Variants in MAPK6 observed in about 807,000 individuals in gnomAD.
MAPK6 encodes the protein ERK-3.
A neutral mutation model predicts 59.3 loss-of-function variants in MAPK6; 19 were observed. The observed-to-expected ratio is 0.32, with a 90% confidence interval of 0.22 to 0.47. The LOEUF (loss-of-function observed/expected upper bound fraction) is 0.47. Among genes scored for constraint, MAPK6 ranks in the 20% least tolerant of loss-of-function variants. The pLI is 1.00. For missense variants in MAPK6, 724 were observed against 847.9 expected, an observed-to-expected ratio of 0.85 and a Z score of 1.81; for synonymous variants, 316 against 290.3, an observed-to-expected ratio of 1.09 and a Z score of -0.90.
intron 2 of MAPK6, among the ~76,000 whole-genome samples, chr15:51,992,900 C>T (rs374965409): frequency 9.9e-5 from 15 of 152,160 alleles, no homozygotes; most frequent in African/African-American, 3.1e-4. Context: ...CCTCCAGGAA[C>T]CTCCACGTGT....
rs978892616 is a variant in MAPK6 at position 52,019,230 on chromosome 15, T to A, written c.-778T>A. ...AAGCCCCGCCCCCTCTTCCTCGCCCTCTCTCGCGGGTCGGGGTTACATGGC... is the reference window on the plus strand; with the variant it reads ...AAGCCCCGCCCCCTCTTCCTCGCCCACTCTCGCGGGTCGGGGTTACATGGC... On this transcript the variant is annotated 5_prime_UTR_variant, in exon 1 of 6. Transcript: ENST00000261845. 1 of 151,540 alleles carries A rather than the reference T, an allele frequency of 6.6e-6. No homozygotes were observed. The highest frequency in any genetic ancestry group is 1.5e-5 in the Non-Finnish European group (1 of 67,898). 9.4% of individuals were successfully genotyped at this position (151,540 alleles called of 1,614,324 possible). A position where few individuals can be genotyped will look rare whatever the true frequency, so the allele number is the denominator to read the frequency against.
rs2141135905 is a variant in MAPK6 at position 52,063,997 on chromosome 15, T to A, written c.1163T>A (p.Val388Asp). 6.2e-7 allele frequency: 1 copy of A among 1,613,742 alleles called. No individual in the cohort carries two copies. Among genetic ancestry groups the A allele is most frequent in the East Asian group, 2.2e-5 (1 of 44,872 alleles). The stretch of plus-strand genomic sequence containing the variant: ...CTTGATCCAAGAGCTCTGTCCGATG[T>A]CACTGATGAAGAAGAAGTACAAGTT... ...VQLDPRALSD[V>D]TDEEEVQVDP... The change falls in exon 6 of 6, where the codon GTC (valine) becomes GAC (aspartate). Residue 388 changes from valine (V) to aspartate (D), a missense_variant. Transcript: ENST00000261845.
intron 3 of MAPK6, among the ~76,000 whole-genome samples, chr15:52,051,735 A>G (rs1321126291): frequency 1.3e-5 from 2 of 151,878 alleles, no homozygotes; most frequent in African/African-American, 4.8e-5. Flanking sequence ...TTAGCTGGGC[A>G]TGGTGGCGCA....
intron 2 of MAPK6, among the ~76,000 whole-genome samples, chr15:51,997,684 G>C (rs1331829670): frequency 6.8e-6 from 1 of 146,768 alleles, no homozygotes; most frequent in African/African-American, 2.5e-5. Context: ...TCTGCCTCCC[G>C]GGTTCAAGCG....
intron 3 of MAPK6, among the ~76,000 whole-genome samples, chr15:52,053,542 C>T (rs2031853911): frequency 6.6e-6 from 1 of 151,956 alleles, no homozygotes; most frequent in Non-Finnish European, 1.5e-5. Flanking sequence ...GTATTTTCTC[C>T]TATTCTGCAG....
At chr15:52,015,481 T>C (rs1407126628), upstream of MAPK6, among the ~76,000 whole-genome samples, 2 of 129,850 alleles carry the variant, frequency 1.5e-5, no homozygotes, top group Non-Finnish European at 3.1e-5. Flanking sequence ...AGAATGGGAT[T>C]TTTTTTTTTT....
At chr15:52,001,173 C>T (rs2057240886) in intron 2 of MAPK6, among the ~76,000 whole-genome samples, 1 of 152,150 alleles carries the variant, frequency 6.6e-6, no homozygotes, top group Non-Finnish European at 1.5e-5. Context: ...CTTCCACTTT[C>T]TGTCATGTGA....
chr15:51,975,186 G>GT (rs2057153853), intron 1 of MAPK6, among the ~76,000 whole-genome samples: 1 of 151,832 alleles, frequency 6.6e-6, no homozygotes, highest in Non-Finnish European at 1.5e-5. Flanking sequence ...ATTCAATGAG[G>GT]TTGAGTACAT....
chr15:51,984,935 C>T (rs548152528), intron 2 of MAPK6, among the ~76,000 whole-genome samples: 58 of 152,164 alleles, frequency 3.8e-4, no homozygotes, highest in Admixed American at 6.5e-4. Context: ...TTTTTTGTTT[C>T]GCACTTTTGC....
At chr15:52,030,157 C>T (rs1306089531) in intron 1 of MAPK6, among the ~76,000 whole-genome samples, 4 of 152,208 alleles carry the variant, frequency 2.6e-5, no homozygotes, top group African/African-American at 7.2e-5. Context: ...GAATGCCCTT[C>T]TCCCATCTCT....
intron 5 of MAPK6, among the ~76,000 whole-genome samples, chr15:52,062,466 G>A (rs1380029061): frequency 6.6e-6 from 1 of 152,038 alleles, no homozygotes; most frequent in Non-Finnish European, 1.5e-5. Context: ...GAAATAATTG[G>A]ATTTCTAGGA....
chr15:52,060,083 C>CT (rs1482155567), intron 4 of MAPK6, among the ~76,000 whole-genome samples: 3 of 152,120 alleles, frequency 2.0e-5, no homozygotes. Context: ...ATATATTTCT[C>CT]TAAGCATGGT....
At chr15:51,998,810 C>T (rs983845454) in intron 2 of MAPK6, among the ~76,000 whole-genome samples, 1 of 148,838 alleles carries the variant, frequency 6.7e-6, no homozygotes, top group African/African-American at 2.5e-5. Flanking sequence ...CCTGCCTCAG[C>T]CGCCGGAGTA....
chr15:52,040,919 TCTTTA>T (rs2031399007), intron 1 of MAPK6, among the ~76,000 whole-genome samples: 1 of 152,256 alleles, frequency 6.6e-6, no homozygotes, highest in Admixed American at 6.5e-5. Flanking sequence ...TAAATTATTC[TCTTTA>T]CTTCATTTTA....
Position 52,063,523 on chromosome 15 carries a change from TA to T in MAPK6, c.1068-378del, listed in dbSNP as rs1370873212. Among the ~76,000 whole-genome samples the T allele has an allele frequency of 8.0e-3, 57 of 7,082 alleles. No individual in the cohort carries two copies. In the Admixed American group the frequency reaches 0.088, roughly 11 times the overall value. The allele number at this position is 7,082 out of a possible 152,430, so 4.6% of individuals were successfully genotyped here. Reference sequence around the variant, plus strand: ...TTTTCCAGCAAACCTCCTCCTCTTCTAGTTGCCCTTACTGTAGAGTAAACAT... The same window carrying T: ...TTTTCCAGCAAACCTCCTCCTCTTCTGTTGCCCTTACTGTAGAGTAAACAT... On this transcript the variant is annotated intron_variant, in intron 5 of 5. Coordinates refer to ENST00000261845, the MANE Select transcript of MAPK6 (RefSeq NM_002748.4).
At chr15:52,027,311 C>G (rs1249003559) in intron 1 of MAPK6, among the ~76,000 whole-genome samples, 1 of 116,054 alleles carries the variant, frequency 8.6e-6, no homozygotes, top group African/African-American at 3.3e-5. Context: ...GATCGTGCCA[C>G]TGTACTCCAG....
chr15:52,024,889 T>TC (rs1281733475), intron 1 of MAPK6, among the ~76,000 whole-genome samples: 2 of 146,338 alleles, frequency 1.4e-5, no homozygotes, highest in Non-Finnish European at 1.5e-5. Context: ...TTTTTTTTTT[T>TC]TTTTTTTTTT....
At chr15:51,999,967 T>G (rs2057237612) in intron 2 of MAPK6, among the ~76,000 whole-genome samples, 1 of 152,042 alleles carries the variant, frequency 6.6e-6, no homozygotes, top group African/African-American at 2.4e-5. Flanking sequence ...TGAGATGGGA[T>G]CTCACCCTGT....
At chr15:52,061,589 A>G (rs1323441490) in intron 5 of MAPK6, 89 bp downstream of exon 5, 4 of 970,382 alleles carry the variant, frequency 4.1e-6, no homozygotes, top group Non-Finnish European at 3.0e-6. Context: ...TGTATAAGAC[A>G]TTGTAGAAGT....
Sources: allele counts gnomAD v4.1 joint callset (sites outside exome capture counted in the v4.1 genomes callset), GRCh38; gene constraint gnomAD v4.1.1; transcripts MANE v1.5; gene names NCBI Gene and HGNC (gene_info 2026-07-23, HGNC 2026-07-21).